Variants in SETMAR observed in about 807,000 individuals in gnomAD.
SETMAR encodes histone-lysine N-methyltransferase SETMAR.
Under a neutral mutation model 58.4 loss-of-function variants are expected in SETMAR, and 44 were observed. The ratio of observed to expected loss-of-function variants is 0.75; its 90% CI spans 0.59 to 0.97. The LOEUF (loss-of-function observed/expected upper bound fraction) is 0.97. SETMAR is among the 50% of genes least tolerant of loss of function. The pLI, the probability that SETMAR is intolerant of heterozygous loss-of-function variation, is 0.00. For synonymous variants in SETMAR, 332 were observed against 307.4 expected, an observed-to-expected ratio of 1.08 and a Z score of -0.84; for missense variants, 903 against 840.2, an observed-to-expected ratio of 1.07 and a Z score of -0.92.
At chr3:4,303,583 C>T (rs929327906) in intron 1 of SETMAR, 57 bp downstream of exon 1, 20 of 1,376,898 alleles carry the variant, frequency 1.5e-5, no homozygotes, top group Non-Finnish European at 1.9e-5. Context: ...CACGTGGTCT[C>T]CTCAAGCCGC....
intron 2 of SETMAR, chr3:4,314,328 T>C (rs1441013435): frequency 6.5e-6 from 1 of 153,132 alleles, no homozygotes; most frequent in Admixed American, 6.5e-5. Context: ...AAGAAACCCT[T>C]GTGGCTGCAT....
In SETMAR at chr3:4,316,191, T is replaced by G. The variant is rs774789458; in HGVS notation, c.1021-21T>G. The G allele has an allele frequency of 4.5e-6, 3 of 666,534 alleles. No individual in the cohort carries two copies. In the South Asian group the frequency reaches 5.0e-5, roughly 11 times the overall value. 41.3% of individuals were successfully genotyped at this position (666,534 alleles called of 1,614,324 possible). A position where few individuals can be genotyped will look rare whatever the true frequency, so the allele number is the denominator to read the frequency against. ...GTTTTTTTGCTAATGACATCTTACT[T>G]GCTGTTTATGTTTATTTTAGACTAT... On this transcript the variant is annotated intron_variant, in intron 2 of 2. Coordinates refer to ENST00000358065, the MANE Select transcript of SETMAR (RefSeq NM_006515.4).
chr3:4,316,046 CAAAAAAAAA>C (rs774059331), intron 2 of SETMAR, among the ~76,000 whole-genome samples, 157 bp from the exon 3 acceptor site: 1 of 76,886 alleles, frequency 1.3e-5, no homozygotes, highest in Non-Finnish European at 2.7e-5. Flanking sequence ...GACTCTGTCT[CAAAAAAAAA>C]AAAAAAAAAA....
chr3:4,303,634 C>A, intron 1 of SETMAR, 108 bp downstream of exon 1: 1 of 1,418,656 alleles, frequency 7.0e-7, no homozygotes. Flanking sequence ...TTTGTCTTCT[C>A]TTACAGCGCA....
chr3:4,313,368 T>C lies in SETMAR; in HGVS notation c.627T>C (p.Phe209=). Residue 209 remains phenylalanine (F), a synonymous_variant, in exon 2 of 3, where the codon TTT becomes TTC. Transcript: ENST00000358065. ...HVYNGQVMET[F]VDPTYIGNIG... The stretch of plus-strand genomic sequence containing the variant: ...ATAATGGGCAGGTAATGGAAACATT[T>C]GTTGACCCTACTTATATAGGAAATA... 6.2e-7 allele frequency: 1 copy of C among 1,614,000 alleles called. No individual in the cohort carries two copies. The highest frequency in any genetic ancestry group is 8.5e-7 in the Non-Finnish European group (1 of 1,179,930).
intron 1 of SETMAR, among the ~76,000 whole-genome samples, chr3:4,310,407 A>C (rs1698358545): frequency 6.6e-6 from 1 of 152,220 alleles, no homozygotes; most frequent in Non-Finnish European, 1.5e-5. Context: ...CTGAAATGAT[A>C]TTTTATTGAC....
At position 4,317,191 on chromosome 3, in the gene SETMAR, A is replaced by C; in HGVS notation, c.2000A>C (p.Gln667Pro). The change falls in exon 3 of 3, where the codon CAA (glutamine) becomes CCA (proline). Residue 667 changes from glutamine to proline, a missense_variant. Transcript: ENST00000358065. ...STDFYATGIN[Q>P]LISRWQKCVD... is the part of the protein sequence containing the mutation. Reference sequence around the variant, plus strand: ...GATTTTTACGCTACAGGAATAAACCAACTTATTTCTCGTTGGCAAAAATGT... The same window carrying C: ...GATTTTTACGCTACAGGAATAAACCCACTTATTTCTCGTTGGCAAAAATGT... 1.9e-6 allele frequency: 3 copies of C among 1,549,772 alleles called. No homozygotes were observed. Among genetic ancestry groups the C allele is most frequent in the Non-Finnish European group, 2.6e-6 (3 of 1,146,130 alleles).
At chr3:4,306,297 T>G (rs1306988985) in intron 1 of SETMAR, among the ~76,000 whole-genome samples, 1 of 152,196 alleles carries the variant, frequency 6.6e-6, no homozygotes, top group Admixed American at 6.5e-5. Flanking sequence ...AAAAATAAAT[T>G]ATATAAGTAT....
chr3:4,313,530 A>T lies in SETMAR; in HGVS notation c.789A>T (p.Ser263=), dbSNP rs1379992504. Residue 263 remains serine (S), a synonymous_variant, in exon 2 of 3, where the codon TCA becomes TCT. Transcript: ENST00000358065. The stretch of plus-strand genomic sequence containing the variant: ...AAGAAGAACTCTCTTATGATTATTC[A>T]GGAAGATATCTTAATCTAACAGTCA... ...VPEEELSYDY[S]GRYLNLTVSE... 1 of 1,613,930 alleles carries T rather than the reference A, an allele frequency of 6.2e-7. No individual in the cohort carries two copies. Among genetic ancestry groups the T allele is most frequent in the Non-Finnish European group, 8.5e-7 (1 of 1,179,970 alleles).
intron 1 of SETMAR, among the ~76,000 whole-genome samples, chr3:4,306,518 C>A (rs540685986): frequency 1.3e-5 from 2 of 152,298 alleles, no homozygotes; most frequent in African/African-American, 4.8e-5. Flanking sequence ...CTAACTATCT[C>A]TGTATATGCA....
In SETMAR at chr3:4,316,193, CTGTTTA is replaced by C. The variant is rs1192236343; in HGVS notation, c.1021-11_1021-6del. 27 of 666,864 alleles carry C rather than the reference CTGTTTA, an allele frequency of 4.0e-5. 2 individuals carry two copies. The highest frequency in any genetic ancestry group is 2.6e-4 in the South Asian group (16 of 60,628). 41.3% of individuals were successfully genotyped at this position (666,864 alleles called of 1,614,324 possible). A position where few individuals can be genotyped will look rare whatever the true frequency, so the allele number is the denominator to read the frequency against. On this transcript the variant is annotated splice_polypyrimidine_tract_variant and intron_variant, in intron 2 of 2. Coordinates refer to ENST00000358065, the MANE Select transcript of SETMAR (RefSeq NM_006515.4). ...TTTTTTGCTAATGACATCTTACTTG[CTGTTTA>C]TGTTTATTTTAGACTATGAAAATGA...
rs1170742154 is a variant in SETMAR, at chr3:4,313,544, A to T, written c.803A>T (p.Asn268Ile). The T allele has an allele frequency of 9.3e-6, 15 of 1,613,972 alleles. No individual in the cohort carries two copies. Among genetic ancestry groups the T allele is most frequent in the Non-Finnish European group, 1.3e-5 (15 of 1,179,990 alleles). The part of the protein sequence containing the change: ...LSYDYSGRYL[N>I]LTVSEDKERL... ...TATGATTATTCAGGAAGATATCTTAATCTAACAGTCAGTGAAGACAAAGAA... is the reference window on the plus strand; with the variant it reads ...TATGATTATTCAGGAAGATATCTTATTCTAACAGTCAGTGAAGACAAAGAA... The change falls in exon 2 of 3, where the codon AAT (asparagine) becomes ATT (isoleucine). Residue 268 changes from asparagine to isoleucine, a missense_variant. Asn to Ile is a moderately radical substitution (Grantham distance 149, BLOSUM62 -3). Transcript: ENST00000358065.
chr3:4,313,955 T>A, intron 2 of SETMAR, 194 bp downstream of exon 2: 1 of 992,054 alleles, frequency 1.0e-6, no homozygotes, highest in Non-Finnish European at 1.4e-6. Flanking sequence ...CCCAGAATAC[T>A]CACTTTCCTA....
At chr3:4,312,112 A>G (rs1303102359) in intron 1 of SETMAR, among the ~76,000 whole-genome samples, 5 of 152,226 alleles carry the variant, frequency 3.3e-5, no homozygotes, top group African/African-American at 1.2e-4. Context: ...TATCTTTAAT[A>G]AATTTAAATA....
chr3:4,313,388 G>A lies in SETMAR; in HGVS notation c.647G>A (p.Gly216Glu). The part of the protein sequence containing the change: ...METFVDPTYI[G>E]NIGRFLNHSC... The stretch of plus-strand genomic sequence containing the variant: ...ACATTTGTTGACCCTACTTATATAG[G>A]AAATATTGGAAGATTCCTTAATCAT... Residue 216 changes from glycine (G) to glutamate (E), a missense_variant, in exon 2 of 3, where the codon GGA (glycine) becomes GAA (glutamate). Physicochemically the swap from Gly to Glu is moderately conservative, Grantham distance 98. Transcript: ENST00000358065. The A allele has an allele frequency of 6.2e-7, 1 of 1,613,904 alleles. No homozygotes were observed. The highest frequency in any genetic ancestry group is 8.5e-7 in the Non-Finnish European group (1 of 1,179,914).
chr3:4,310,408 T>C (rs60828753), intron 1 of SETMAR, among the ~76,000 whole-genome samples: 8,850 of 152,312 alleles, frequency 0.058, 408 homozygotes, highest in Admixed American at 0.11. Context: ...TGAAATGATA[T>C]TTTATTGACC....
chr3:4,312,872 A>G (rs371102744), intron 1 of SETMAR, 26 bp from the exon 2 acceptor site: 94 of 1,582,540 alleles, frequency 5.9e-5, no homozygotes, highest in Non-Finnish European at 7.4e-5. Flanking sequence ...TGCCGTGCTG[A>G]CTTACAGTGT....
chr3:4,316,649 A>T lies in SETMAR; in HGVS notation c.1458A>T (p.Glu486Asp). ...CTCTTATTCTACGCAACCACAACGA[A>T]CCATTTCTCGATCGGATTGTGACGT... is the stretch of plus-strand genomic sequence containing the variant. ...SSSLILRNHNEPFLDRIVTCD... is the reference protein window; with the variant it reads ...SSSLILRNHNDPFLDRIVTCD... Residue 486 changes from glutamate to aspartate, a missense_variant, in exon 3 of 3, where the codon GAA becomes GAT. Glu to Asp is a conservative substitution (Grantham distance 45). Transcript: ENST00000358065. 6.4e-7 allele frequency: 1 copy of T among 1,551,226 alleles called. No individual in the cohort carries two copies. The highest frequency in any genetic ancestry group is 2.4e-5 in the East Asian group (1 of 40,926).
chr3:4,308,194 G>T (rs1698266216), intron 1 of SETMAR, among the ~76,000 whole-genome samples: 1 of 152,200 alleles, frequency 6.6e-6, no homozygotes. Context: ...ATGGAGGAAA[G>T]GTATACAGTC....
Sources: gnomAD v4.1 joint callset for allele counts (sites outside exome capture counted in the v4.1 genomes callset) on GRCh38, gnomAD v4.1.1 for gene constraint, MANE v1.5 for transcripts, NCBI Gene and HGNC (gene_info 2026-07-23, HGNC 2026-07-21) for gene names.